GBE1: variants seen among roughly 807,000 people sequenced by gnomAD.
The protein encoded by GBE1 is 1,4-alpha-glucan-branching enzyme.
GBE1 carries 70 observed loss-of-function variants against 88.8 expected under a neutral mutation model. The observed-to-expected ratio is 0.79, with a 90% CI of 0.65 to 0.96. GBE1 has a LOEUF of 0.96. Ranked by LOEUF, GBE1 falls within the 40% of genes least tolerant of loss-of-function variation. The pLI is 0.00. For missense variants in GBE1, 872 were observed against 871.0 expected, an observed-to-expected ratio of 1.00 and a Z score of -0.01; for synonymous variants, 284 against 300.1, an observed-to-expected ratio of 0.95 and a Z score of 0.56.
In GBE1 at chr3:81,750,545, ATATATG is replaced by A. The variant is rs1394556995; in HGVS notation, c.143+10824_143+10829del. ...CATTCATATATATATATACGTATAT[ATATATG>A]TATATATATATGTATATATATATAC... On this transcript the variant is annotated intron_variant, in intron 1 of 15. Transcript: ENST00000429644. Among the ~76,000 whole-genome samples the A allele has an allele frequency of 2.2e-4, 19 of 87,090 alleles. 1 individual carries two copies. The highest frequency in any genetic ancestry group is 2.2e-3 in the East Asian group (4 of 1,852). 57.1% of individuals were successfully genotyped at this position (87,090 alleles called of 152,430 possible). A position where few individuals can be genotyped will look rare whatever the true frequency, so the allele number is the denominator to read the frequency against.
chr3:81,705,638 G>T lies in GBE1; in HGVS notation c.144-25C>A, dbSNP rs181204059. 4.6e-5 allele frequency: 67 copies of T among 1,459,758 alleles called. 1 individual carries two copies. The East Asian group carries it at 1.6e-3, about 34-fold the overall frequency. 90.4% of individuals were successfully genotyped at this position (1,459,758 alleles called of 1,614,324 possible). A position where few individuals can be genotyped will look rare whatever the true frequency, so the allele number is the denominator to read the frequency against. ...CCTTTGAAGAAGTATGAAAGAAAAT[G>T]AGTTAGAAAATTAAATAGTCTTCTA... On this transcript the variant is annotated intron_variant, in intron 1 of 15. Transcript: ENST00000429644.
At chr3:81,616,491 T>A (rs1020748261) in intron 7 of GBE1, among the ~76,000 whole-genome samples, 17 of 152,270 alleles carry the variant, frequency 1.1e-4, no homozygotes, top group African/African-American at 4.1e-4. Context: ...TGTGCTTTTG[T>A]CAAAAATTAG....
intron 6 of GBE1, 141 bp from the exon 7 acceptor site, chr3:81,643,131 C>G: frequency 3.2e-6 from 2 of 623,494 alleles, no homozygotes; most frequent in Non-Finnish European, 2.8e-6. Flanking sequence ...GGATACAACT[C>G]AAATTTGCTT....
At chr3:81,558,338 C>T (rs1703375449) in intron 12 of GBE1, among the ~76,000 whole-genome samples, 2 of 151,856 alleles carry the variant, frequency 1.3e-5, no homozygotes, top group African/African-American at 2.4e-5. Flanking sequence ...AAAAAGACGA[C>T]ATTTACTGTT....
At chr3:81,616,254 C>G (rs1305485431) in intron 7 of GBE1, among the ~76,000 whole-genome samples, 2 of 152,090 alleles carry the variant, frequency 1.3e-5, no homozygotes, top group Non-Finnish European at 2.9e-5. Flanking sequence ...CTTGTATTGA[C>G]AGTATTCTCA....
intron 10 of GBE1, among the ~76,000 whole-genome samples, chr3:81,582,627 T>A (rs1373907233): frequency 6.6e-6 from 1 of 152,030 alleles, no homozygotes; most frequent in African/African-American, 2.4e-5. Context: ...GCAACAGAAA[T>A]TCAATGGAAG....
At chr3:81,621,060 T>C (rs1471656440) in intron 7 of GBE1, among the ~76,000 whole-genome samples, 1 of 152,176 alleles carries the variant, frequency 6.6e-6, no homozygotes. Context: ...TCTATCACTG[T>C]AAGAAATAAA....
chr3:81,692,095 C>T (rs538363131), intron 2 of GBE1, among the ~76,000 whole-genome samples: 1 of 152,286 alleles, frequency 6.6e-6, no homozygotes, highest in East Asian at 1.9e-4. Flanking sequence ...ACAAGGGACA[C>T]TCACATTCTG....
chr3:81,742,844 C>T (rs572663221), intron 1 of GBE1, among the ~76,000 whole-genome samples: 62 of 152,178 alleles, frequency 4.1e-4, no homozygotes, highest in African/African-American at 1.5e-3. Context: ...GTATTAGACA[C>T]GAGAAAGGTT....
At chr3:81,572,642 C>T (rs887195186) in intron 12 of GBE1, among the ~76,000 whole-genome samples, 26 of 152,070 alleles carry the variant, frequency 1.7e-4, no homozygotes, top group African/African-American at 6.0e-4. Context: ...TTAATTTATG[C>T]TTTACTTGAT....
At chr3:81,754,246 T>C (rs1240024601) in intron 1 of GBE1, among the ~76,000 whole-genome samples, 1 of 151,886 alleles carries the variant, frequency 6.6e-6, no homozygotes, top group African/African-American at 2.4e-5. Flanking sequence ...GGAATCAATA[T>C]AACCAAAGAA....
chr3:81,597,587 A>G (rs1703977130), intron 7 of GBE1, among the ~76,000 whole-genome samples: 1 of 150,752 alleles, frequency 6.6e-6, no homozygotes, highest in Non-Finnish European at 1.5e-5. Context: ...TAACACATAT[A>G]TTAGAAACTA....
At chr3:81,741,727 AACATG>A (rs1234683293) in intron 1 of GBE1, among the ~76,000 whole-genome samples, 1 of 151,074 alleles carries the variant, frequency 6.6e-6, no homozygotes, top group African/African-American at 2.4e-5. Flanking sequence ...ACACACATAT[AACATG>A]TATGATATAT....
intron 1 of GBE1, among the ~76,000 whole-genome samples, chr3:81,709,065 A>G (rs918313813): frequency 2.6e-5 from 4 of 152,222 alleles, no homozygotes; most frequent in Non-Finnish European, 5.9e-5. Context: ...TGGAGAGTAC[A>G]AGCCTCATCT....
intron 1 of GBE1, among the ~76,000 whole-genome samples, chr3:81,731,327 C>T (rs1489086386): frequency 1.2e-4 from 19 of 152,090 alleles, no homozygotes; most frequent in Admixed American, 1.2e-3. Flanking sequence ...AAATGGATGA[C>T]TGTACATGAT....
intron 3 of GBE1, among the ~76,000 whole-genome samples, chr3:81,660,353 T>A (rs1440172551): frequency 1.3e-5 from 2 of 152,166 alleles, no homozygotes; most frequent in Admixed American, 6.5e-5. Context: ...TTCAGATATA[T>A]CTAAATATTT....
intron 2 of GBE1, among the ~76,000 whole-genome samples, chr3:81,699,407 T>C (rs1424124230): frequency 6.6e-6 from 1 of 152,180 alleles, no homozygotes; most frequent in Non-Finnish European, 1.5e-5. Flanking sequence ...AGATGGGTCA[T>C]ACGTTATTGT....
At chr3:81,548,060 T>C (rs1002518782) in intron 12 of GBE1, among the ~76,000 whole-genome samples, 14 of 151,520 alleles carry the variant, frequency 9.2e-5, no homozygotes, top group African/African-American at 3.1e-4. Flanking sequence ...GTTCAATTCC[T>C]GGCTTAGGAA....
intron 14 of GBE1, among the ~76,000 whole-genome samples, chr3:81,509,047 C>A (rs1334436337): frequency 1.3e-5 from 2 of 151,988 alleles, no homozygotes; most frequent in Non-Finnish European, 2.9e-5. Context: ...TTACTATAGA[C>A]CCTGGCTCAC....
Sources: gnomAD v4.1 joint callset for allele counts (sites outside exome capture counted in the v4.1 genomes callset) on GRCh38, gnomAD v4.1.1 for gene constraint, MANE v1.5 for transcripts, NCBI Gene and HGNC (gene_info 2026-07-23, HGNC 2026-07-21) for gene names.